Variants in EXOC7 observed in about 807,000 individuals in gnomAD.
EXOC7 encodes the protein exocyst complex component Exo70.
EXOC7 carries 51 observed loss-of-function variants against 87.6 expected under a neutral mutation model. The observed-to-expected ratio is 0.58, with a 90% CI of 0.46 to 0.73. EXOC7 has a LOEUF of 0.73. Among genes scored for constraint, EXOC7 ranks in the 30% least tolerant of loss-of-function variants. The probability of loss-of-function intolerance (pLI) is 0.00; values close to 1 mark genes in which losing one functional copy is unlikely to be tolerated. For synonymous variants in EXOC7, 327 were observed against 357.1 expected, an observed-to-expected ratio of 0.92 and a Z score of 0.95; for missense variants, 744 against 888.4, an observed-to-expected ratio of 0.84 and a Z score of 2.07.
chr17:76,096,662 T>C (rs2067772497), intron 5 of EXOC7, among the ~76,000 whole-genome samples: 1 of 152,140 alleles, frequency 6.6e-6, no homozygotes, highest in South Asian at 2.1e-4. Context: ...GTTCAAGAGA[T>C]TCTCTTGCCT....
At chr17:76,088,217 T>C in intron 10 of EXOC7, 95 bp from the exon 11 acceptor site, 1 of 1,312,082 alleles carries the variant, frequency 7.6e-7, no homozygotes, top group Non-Finnish European at 1.1e-6. Context: ...GGCAGACGGG[T>C]GCTAGGACAC....
At chr17:76,101,494 C>T (rs952086726) in intron 3 of EXOC7, 118 bp from the exon 4 acceptor site, 27 of 1,433,994 alleles carry the variant, frequency 1.9e-5, no homozygotes, top group Non-Finnish European at 2.4e-5. Context: ...TATATTCTAT[C>T]CCCCCACTGC....
chr17:76,081,294 C>G lies in EXOC7; in HGVS notation c.*2354G>C, dbSNP rs1261209721. ...ACCCCTCAGCGATGGAGTTAGAGTT[C>G]CAGGCCCACGTGGTGAACGAGATTG... On this transcript the variant is annotated 3_prime_UTR_variant, in exon 19 of 19. Transcript: ENST00000589210. The G allele has an allele frequency of 4.3e-6, 7 of 1,613,856 alleles. No individual in the cohort carries two copies. The highest frequency in any genetic ancestry group is 5.9e-6 in the Non-Finnish European group (7 of 1,180,016).
In EXOC7 at chr17:76,085,767, A is replaced by C. The variant is rs1200258552; in HGVS notation, c.1526T>G (p.Leu509Trp). ...CKVLGNLQLN[L>W]LSKSKVYEDP... is the part of the protein sequence containing the mutation. ...CTCGTACACCTTGGACTTGCTCAGC[A>C]AGTTCAACTGCAGGTTGCCCAGCAC... Residue 509 changes from leucine to tryptophan, a missense_variant, in exon 14 of 19, where the codon TTG (leucine) becomes TGG (tryptophan). Leu to Trp is a moderately conservative substitution (Grantham distance 61). Transcript: ENST00000589210. 6.2e-7 allele frequency: 1 copy of C among 1,613,606 alleles called. No homozygotes were observed. The highest frequency in any genetic ancestry group is 1.7e-5 in the Admixed American group (1 of 59,894).
At chr17:76,084,976 G>A (rs933019466) in intron 15 of EXOC7, 1 of 460,258 alleles carries the variant, frequency 2.2e-6, no homozygotes, top group Non-Finnish European at 3.9e-6. Flanking sequence ...GATCCTCACA[G>A]AGCAAGGCTC....
In EXOC7 at chr17:76,082,483, G is replaced by T. The variant is rs1266169029; in HGVS notation, c.*1165C>A. On this transcript the variant is annotated 3_prime_UTR_variant, in exon 19 of 19. Coordinates refer to ENST00000589210, the MANE Select transcript of EXOC7 (RefSeq NM_001013839.4). ...CACAGAGCCCTCCAGAGGAGTAAAGGGGTCACAGAGAAGCTGGCCTGAGAC... is the reference window on the plus strand; with the variant it reads ...CACAGAGCCCTCCAGAGGAGTAAAGTGGTCACAGAGAAGCTGGCCTGAGAC... 1 of 1,612,776 alleles carries T rather than the reference G, an allele frequency of 6.2e-7. No homozygotes were observed. Among genetic ancestry groups the T allele is most frequent in the African/African-American group, 1.3e-5 (1 of 74,922 alleles).
chr17:76,091,212 G>C lies in EXOC7; in HGVS notation c.832C>G (p.Leu278Val). The C allele has an allele frequency of 6.2e-7, 1 of 1,614,118 alleles. No individual in the cohort carries two copies. Among genetic ancestry groups the C allele is most frequent in the Non-Finnish European group, 8.5e-7 (1 of 1,179,996 alleles). Residue 278 changes from leucine (L) to valine (V), a missense_variant, in exon 7 of 19, where the codon CTT (leucine) becomes GTT (valine). Physicochemically the swap from Leu to Val is conservative, Grantham distance 32. This residue lies in a region of EXOC7 where 512 missense variants were observed against 573.0 expected (regional missense o/e 0.89). Transcript: ENST00000589210. ...RPGTIRKAQNLLKQYSQHGLD... is the reference protein window; with the variant it reads ...RPGTIRKAQNVLKQYSQHGLD... ...CCATGCTGGGAATACTGTTTCAGAAGGTTCTGAGCCTTACGGATCGTCCCT... is the reference window on the plus strand; with the variant it reads ...CCATGCTGGGAATACTGTTTCAGAACGTTCTGAGCCTTACGGATCGTCCCT...
intron 17 of EXOC7, 33 bp downstream of exon 17, chr17:76,084,215 G>C: frequency 1.2e-6 from 2 of 1,606,394 alleles, no homozygotes; most frequent in Non-Finnish European, 8.5e-7. Context: ...AACAGCAGCA[G>C]CAAGCAGTGG....
Position 76,081,934 on chromosome 17 carries a change from T to C in EXOC7, c.*1714A>G, listed in dbSNP as rs1305103039. On this transcript the variant is annotated 3_prime_UTR_variant, in exon 19 of 19. Transcript: ENST00000589210. ...TGCTCTTCCTCAGCACCATAGAGAC[T>C]GTGCTGCTGGCTGGGCTGCTGGCCC... 6.2e-6 allele frequency: 10 copies of C among 1,613,186 alleles called. 1 individual carries two copies. In the Admixed American group the frequency reaches 1.7e-4, roughly 27 times the overall value.
chr17:76,083,362 T>C lies in EXOC7; in HGVS notation c.*286A>G. 1 of 421,262 alleles carries C rather than the reference T, an allele frequency of 2.4e-6. No homozygotes were observed. The highest frequency in any genetic ancestry group is 2.3e-5 in the South Asian group (1 of 42,976). 26.1% of individuals were successfully genotyped at this position (421,262 alleles called of 1,614,324 possible). A position where few individuals can be genotyped will look rare whatever the true frequency, so the allele number is the denominator to read the frequency against. On this transcript the variant is annotated 3_prime_UTR_variant, in exon 19 of 19. Coordinates refer to ENST00000589210, the MANE Select transcript of EXOC7 (RefSeq NM_001013839.4). The stretch of plus-strand genomic sequence containing the variant: ...GAGCAGCAGTGGGCACAGGCCTCTG[T>C]CTTCCTTCTCTCTTTTCCTGTTTCA...
intron 6 of EXOC7, 186 bp from the exon 7 acceptor site, chr17:76,091,421 A>C (rs2067475424): frequency 1.7e-6 from 1 of 587,152 alleles, no homozygotes. Context: ...TCCTTCTCCA[A>C]ATGGAGCCTT....
intron 10 of EXOC7, 108 bp downstream of exon 10, chr17:76,088,356 G>T: frequency 8.5e-7 from 1 of 1,172,008 alleles, no homozygotes; most frequent in Non-Finnish European, 1.2e-6. Flanking sequence ...GCAGCTGGCT[G>T]CCCCGGGACA....
chr17:76,094,667 C>G, intron 5 of EXOC7, 86 bp from the exon 6 acceptor site: 1 of 1,392,408 alleles, frequency 7.2e-7, no homozygotes, highest in Non-Finnish European at 9.9e-7. Flanking sequence ...TCAAACCTGT[C>G]AACCCTTCTT....
rs2067050213 is a variant in EXOC7, at chr17:76,083,008, G to GGACCAGTCCA, written c.*639_*640insTGGACTGGTC. 4 of 203,802 alleles carry GGACCAGTCCA rather than the reference G, an allele frequency of 2.0e-5. No homozygotes were observed. Among genetic ancestry groups the GGACCAGTCCA allele is most frequent in the Admixed American group, 1.7e-4 (3 of 17,508 alleles). The allele number at this position is 203,802 out of a possible 1,614,324, so 12.6% of individuals were successfully genotyped here. On this transcript the variant is annotated 3_prime_UTR_variant, in exon 19 of 19. Transcript: ENST00000589210. Reference sequence around the variant, plus strand: ...ACTGAGGCTGGGGGCCAGAGACAGGGGCCTGAGGAAGGCTGTAGAGGGTGG... The same window carrying GGACCAGTCCA: ...ACTGAGGCTGGGGGCCAGAGACAGGGGACCAGTCCAGCCTGAGGAAGGCTGTAGAGGGTGG...
chr17:76,096,240 G>T (rs1488099640), intron 5 of EXOC7, among the ~76,000 whole-genome samples: 2 of 152,118 alleles, frequency 1.3e-5, no homozygotes, highest in African/African-American at 4.8e-5. Context: ...ATTGCCAGGC[G>T]AGGTGGCTCA....
intron 18 of EXOC7, 36 bp from the exon 19 acceptor site, chr17:76,083,786 C>A (rs370950437): frequency 6.3e-7 from 1 of 1,582,900 alleles, no homozygotes. Context: ...CAGGGAGGGC[C>A]GACCCCTCCC....
rs1213081704 is a variant in EXOC7, at chr17:76,098,012, G to C, written c.424C>G (p.Leu142Val). 5 of 1,614,126 alleles carry C rather than the reference G, an allele frequency of 3.1e-6. No homozygotes were observed. Among genetic ancestry groups the C allele is most frequent in the Middle Eastern group, 1.7e-4 (1 of 6,058 alleles). Residue 142 changes from leucine to valine, a missense_variant, in exon 5 of 19, where the codon CTC (leucine) becomes GTC (valine). Physicochemically the swap from Leu to Val is conservative, Grantham distance 32. This residue lies in a region of EXOC7 where 512 missense variants were observed against 573.0 expected (regional missense o/e 0.89). Transcript: ENST00000589210. ...DSPELNKVKL[L>V]FERGKEALES... ...AGGGCCTCCTTCCCGCGCTCAAAGA[G>C]CAGTTTCTGCACAGACAACAGAAGG...
At chr17:76,103,475 A>C (rs956472982) in intron 1 of EXOC7, 49 bp from the exon 2 acceptor site, 1 of 1,561,726 alleles carries the variant, frequency 6.4e-7, no homozygotes, top group Non-Finnish European at 8.7e-7. Context: ...AAGCTAAAGG[A>C]GACCACTGCG....
chr17:76,088,432 G>A (rs1439988272), intron 10 of EXOC7, 32 bp downstream of exon 10: 2 of 1,595,474 alleles, frequency 1.3e-6, no homozygotes, highest in South Asian at 1.1e-5. Context: ...GCTGGGCCGG[G>A]AGGGAGGGAG....
Sources: gnomAD v4.1 joint callset for allele counts (sites outside exome capture counted in the v4.1 genomes callset) on GRCh38, gnomAD v4.1.1 for gene constraint, gnomAD v4.1.1 regional missense constraint, MANE v1.5 for transcripts, NCBI Gene and HGNC (gene_info 2026-07-23, HGNC 2026-07-21) for gene names.